AVEN: variants seen among roughly 807,000 people sequenced by gnomAD.
AVEN encodes the protein cell death regulator Aven.
In AVEN, 41 loss-of-function variants were observed where a neutral mutation model predicts 38.1. The ratio of observed to expected loss-of-function variants is 1.08; its 90% confidence interval spans 0.84 to 1.40. The LOEUF is 1.40. AVEN is among the 40% of genes most tolerant of loss of function. AVEN has a pLI of 0.00. For synonymous variants in AVEN, 206 were observed against 171.8 expected, an observed-to-expected ratio of 1.20 and a Z score of -1.56; for missense variants, 605 against 438.8, an observed-to-expected ratio of 1.38 and a Z score of -3.38.
chr15:33,867,758 C>T lies in AVEN; in HGVS notation c.710G>A (p.Gly237Glu). The change falls in exon 5 of 6, where the codon GGA becomes GAA. Residue 237 changes from glycine (G) to glutamate (E), a missense_variant. Coordinates refer to ENST00000306730, the MANE Select transcript of AVEN (RefSeq NM_020371.3). ...TTTCAGCTCAAAGATGGGCCCCCTTCCTCCAGGCCCCAAGGGCCCCTTTAA... is the reference window on the plus strand; with the variant it reads ...TTTCAGCTCAAAGATGGGCCCCCTTTCTCCAGGCCCCAAGGGCCCCTTTAA... Reference protein sequence around the residue: ...MQLKGPLGPGGRGPIFELKSV... With the variant: ...MQLKGPLGPGERGPIFELKSV... 1.9e-6 allele frequency: 3 copies of T among 1,614,190 alleles called. No individual in the cohort carries two copies. Among genetic ancestry groups the T allele is most frequent in the Non-Finnish European group, 2.5e-6 (3 of 1,180,036 alleles).
intron 2 of AVEN, chr15:33,991,272 CT>C (rs752626700): frequency 7.2e-5 from 11 of 152,090 alleles, no homozygotes; most frequent in Non-Finnish European, 1.0e-4. Flanking sequence ...CCTTCTAACA[CT>C]TTTCAAGGAG....
intron 3 of AVEN, among the ~76,000 whole-genome samples, chr15:33,872,812 C>T (rs1891037327): frequency 2.0e-5 from 3 of 152,076 alleles, no homozygotes; most frequent in Admixed American, 2.0e-4. Context: ...TACATGGTAC[C>T]CACCCTGTCC....
chr15:33,931,515 C>A (rs1299096198), intron 2 of AVEN, among the ~76,000 whole-genome samples: 1 of 151,778 alleles, frequency 6.6e-6, no homozygotes, highest in East Asian at 1.9e-4. Flanking sequence ...GGACTACAGG[C>A]ACCCGCCACC....
At chr15:33,971,573 T>A (rs1311056667) in intron 2 of AVEN, among the ~76,000 whole-genome samples, 1 of 152,098 alleles carries the variant, frequency 6.6e-6, no homozygotes, top group Admixed American at 6.6e-5. Flanking sequence ...CATAATTTTG[T>A]ATATAAAATT....
At chr15:33,972,182 AT>A (rs1478105038) in intron 2 of AVEN, 1 of 152,126 alleles carries the variant, frequency 6.6e-6, no homozygotes, top group African/African-American at 2.4e-5. Context: ...TGTTGGTTAA[AT>A]TCACAGACCA....
At chr15:34,022,455 A>G (rs979479295) in intron 1 of AVEN, among the ~76,000 whole-genome samples, 2 of 152,208 alleles carry the variant, frequency 1.3e-5, no homozygotes, top group African/African-American at 4.8e-5. Context: ...GAAGGGAGAA[A>G]GCTTTTACCT....
At chr15:34,057,132 G>T (rs2632098) in intron 5 of AVEN, among the ~76,000 whole-genome samples, 94,770 of 145,124 alleles carry the variant, frequency 0.65, 31,723 homozygotes, top group South Asian at 0.79. Flanking sequence ...AAGAGTTTTG[G>T]TTTTTTTTGG....
At position 33,936,975 on chromosome 15, in the gene AVEN, C is replaced by CA. The variant is rs763891825; in HGVS notation, c.446-60981dup. 4.6e-4 allele frequency among the ~76,000 whole-genome samples: 69 copies of CA among 150,540 alleles called. 1 individual carries two copies. The highest frequency in any genetic ancestry group is 2.6e-3 in the Admixed American group (39 of 15,098). On this transcript the variant is annotated intron_variant, in intron 2 of 5. Transcript: ENST00000306730. ...TGAAACCCCATCTCTACTAAAAATG[C>CA]AAAAAATTAGCCGGGCATGGTGGCG...
chr15:34,060,804 A>T (rs1353728127), intron 5 of AVEN, among the ~76,000 whole-genome samples: 1 of 152,126 alleles, frequency 6.6e-6, no homozygotes, highest in Non-Finnish European at 1.5e-5. Flanking sequence ...CAAGGGGCAG[A>T]GGTTGCAGTG....
In AVEN at chr15:33,866,567, G is replaced by A. The variant is rs557499853; in HGVS notation, c.*46C>T. On this transcript the variant is annotated 3_prime_UTR_variant, in exon 6 of 6. Transcript: ENST00000306730. ...AAGGACAGCCTTATGCCCACCTGCCGTTAGAAGGCAACCAAGATTTGCTTC... is the reference window on the plus strand; with the variant it reads ...AAGGACAGCCTTATGCCCACCTGCCATTAGAAGGCAACCAAGATTTGCTTC... 3.6e-5 allele frequency: 53 copies of A among 1,479,612 alleles called. No homozygotes were observed. The highest frequency in any genetic ancestry group is 1.8e-4 in the East Asian group (8 of 44,212). 91.7% of individuals were successfully genotyped at this position (1,479,612 alleles called of 1,614,324 possible).
At chr15:33,955,244 T>C (rs560076142) in intron 2 of AVEN, among the ~76,000 whole-genome samples, 1 of 152,284 alleles carries the variant, frequency 6.6e-6, no homozygotes, top group South Asian at 2.1e-4. Flanking sequence ...TATTGAAATA[T>C]ATTTGGGCAT....
At chr15:33,906,829 G>A (rs1892720938) in intron 2 of AVEN, among the ~76,000 whole-genome samples, 1 of 152,166 alleles carries the variant, frequency 6.6e-6, no homozygotes. Flanking sequence ...TGGTTGCATA[G>A]CAGTGTGAAT....
chr15:34,028,697 A>G (rs1898615031), intron 1 of AVEN, among the ~76,000 whole-genome samples: 1 of 152,218 alleles, frequency 6.6e-6, no homozygotes, highest in African/African-American at 2.4e-5. Flanking sequence ...TGTGTAAGGT[A>G]GATATCCTTA....
intron 2 of AVEN, among the ~76,000 whole-genome samples, chr15:33,989,384 C>T (rs1432478839): frequency 1.3e-5 from 2 of 151,506 alleles, no homozygotes; most frequent in African/African-American, 4.9e-5. Flanking sequence ...TCCACATGAT[C>T]GTCACAACTA....
intron 2 of AVEN, among the ~76,000 whole-genome samples, chr15:33,983,184 GTGTGTGTA>G (rs1567447623): frequency 5.2e-4 from 31 of 59,148 alleles, no homozygotes; most frequent in African/African-American, 3.9e-3. Context: ...ATATACACAC[GTGTGTGTA>G]TGTGTGTGTA....
chr15:33,961,685 C>T (rs536444344), intron 2 of AVEN, among the ~76,000 whole-genome samples: 20 of 151,472 alleles, frequency 1.3e-4, no homozygotes, highest in Non-Finnish European at 2.5e-4. Flanking sequence ...TGGTGGCGGG[C>T]ACCTGTAGTC....
At chr15:34,030,020 G>A (rs186455210) in intron 1 of AVEN, among the ~76,000 whole-genome samples, 3 of 152,230 alleles carry the variant, frequency 2.0e-5, no homozygotes, top group South Asian at 4.1e-4. Flanking sequence ...TTGGGAGGCC[G>A]AGGCAGGCGG....
At chr15:33,857,324 C>T (rs1006038912), downstream of AVEN, among the ~76,000 whole-genome samples, 17 of 152,150 alleles carry the variant, frequency 1.1e-4, no homozygotes, top group South Asian at 6.2e-4. Context: ...TTCCCCTGAC[C>T]GTCCCTTCAC....
At chr15:33,937,019 C>T (rs879490072) in intron 2 of AVEN, among the ~76,000 whole-genome samples, 159 of 146,146 alleles carry the variant, frequency 1.1e-3, no homozygotes, top group African/African-American at 3.2e-3. Flanking sequence ...TAGTCCCAGC[C>T]ACTCGGGAGG....
Sources: gnomAD v4.1 joint callset for allele counts (sites outside exome capture counted in the v4.1 genomes callset) on GRCh38, gnomAD v4.1.1 for gene constraint, MANE v1.5 for transcripts, NCBI Gene and HGNC (gene_info 2026-07-23, HGNC 2026-07-21) for gene names.